The following ARHGEF26 variants were observed in gnomAD, a reference collection of about 807,000 sequenced individuals.
The protein encoded by ARHGEF26 is Rho guanine nucleotide exchange factor (GEF) 26.
In ARHGEF26, 59 loss-of-function variants were observed where a neutral mutation model predicts 89.4. The ratio of observed to expected loss-of-function variants is 0.66; its 90% CI spans 0.54 to 0.82. The LOEUF is 0.82. Ranked by LOEUF, ARHGEF26 falls within the 40% of genes least tolerant of loss-of-function variation. ARHGEF26 has a pLI of 0.00. For missense variants in ARHGEF26, 1,234 were observed against 1,085.6 expected (o/e 1.14, Z -1.92); for synonymous variants, 500 against 428.4 (o/e 1.17, Z -2.06).
At chr3:154,188,508 A>G (rs887729142) in intron 7 of ARHGEF26, among the ~76,000 whole-genome samples, 2 of 152,210 alleles carry the variant, frequency 1.3e-5, no homozygotes, top group Non-Finnish European at 2.9e-5. Flanking sequence ...AAGAGTCACC[A>G]ATTGTTCAGT....
At chr3:154,225,751 T>C in intron 10 of ARHGEF26, 105 bp from the exon 11 acceptor site, 1 of 1,235,814 alleles carries the variant, frequency 8.1e-7, no homozygotes, top group Non-Finnish European at 1.1e-6. Context: ...TGATGCATAC[T>C]ATGATAAGTA....
intron 10 of ARHGEF26, among the ~76,000 whole-genome samples, chr3:154,225,413 T>C (rs1716420788): frequency 6.6e-6 from 1 of 152,136 alleles, no homozygotes; most frequent in Admixed American, 6.5e-5. Context: ...ATGTAGACTT[T>C]TATATTTGTC....
chr3:154,218,214 T>C (rs2108247462), intron 10 of ARHGEF26, among the ~76,000 whole-genome samples: 1 of 152,082 alleles, frequency 6.6e-6, no homozygotes, highest in African/African-American at 2.4e-5. Flanking sequence ...CTTAGGGGAA[T>C]AAATAAAATA....
At position 154,122,805 on chromosome 3, in the gene ARHGEF26, C is replaced by T; in HGVS notation, c.813C>T (p.Pro271=). Residue 271 remains proline (P), a synonymous_variant, in exon 2 of 15, where the codon CCC becomes CCT. Coordinates refer to ENST00000465093, the MANE Select transcript of ARHGEF26 (RefSeq NM_015595.4). ...AATCCAACAATCAAAATGTGGAGCCCCACAAGAGACTCCTCAAGGTGCGCA... is the reference window on the plus strand; with the variant it reads ...AATCCAACAATCAAAATGTGGAGCCTCACAAGAGACTCCTCAAGGTGCGCA... ...ISKSNNQNVE[P]HKRLLKVRSM... The T allele has an allele frequency of 6.2e-7, 1 of 1,611,808 alleles. No homozygotes were observed. The highest frequency in any genetic ancestry group is 8.5e-7 in the Non-Finnish European group (1 of 1,178,944).
Position 154,255,396 on chromosome 3 carries a change from G to A in ARHGEF26, c.2539G>A (p.Glu847Lys), listed in dbSNP as rs762062887. 2 of 1,613,592 alleles carry A rather than the reference G, an allele frequency of 1.2e-6. No homozygotes were observed. The highest frequency in any genetic ancestry group is 1.7e-6 in the Non-Finnish European group (2 of 1,179,872). Residue 847 changes from glutamate (E) to lysine (K), a missense_variant, in exon 15 of 15, where the codon GAG becomes AAG. Coordinates refer to ENST00000465093, the MANE Select transcript of ARHGEF26 (RefSeq NM_015595.4). ...RGWFPMECAK[E>K]ITCQATIDKN... Reference sequence around the variant, plus strand: ...CTGGTTTCCTATGGAATGTGCCAAGGAGATAACATGTCAAGCTACAATTGA... The same window carrying A: ...CTGGTTTCCTATGGAATGTGCCAAGAAGATAACATGTCAAGCTACAATTGA...
In ARHGEF26 at chr3:154,123,042, CAAG is replaced by C. The variant is rs779359820; in HGVS notation, c.1051_1053del (p.Lys351del). ...CTGTTCTGAAAGTGGTGATGGAAGA[CAAG>C]GAGAAGTTTTCCAGTCTGGGAAGGA... On this transcript the variant is annotated inframe_deletion, in exon 2 of 15. Coordinates refer to ENST00000465093, the MANE Select transcript of ARHGEF26 (RefSeq NM_015595.4). 1.9e-6 allele frequency: 3 copies of C among 1,613,728 alleles called. No individual in the cohort carries two copies. Among genetic ancestry groups the C allele is most frequent in the African/African-American group, 1.3e-5 (1 of 74,884 alleles).
rs576107579 is a variant in ARHGEF26 at position 154,217,885 on chromosome 3, A to G, written c.1862A>G (p.Asn621Ser). ...KEVSKLVRLC[N>S]EGARKMERTE... is the part of the protein sequence containing the mutation. ...TGTTCCCAGTTGGTTCGACTATGCA[A>G]TGAGGGCGCCCGGAAGATGGAAAGG... Residue 621 changes from asparagine (N) to serine (S), a missense_variant, in exon 10 of 15, where the codon AAT becomes AGT. Coordinates refer to ENST00000465093, the MANE Select transcript of ARHGEF26 (RefSeq NM_015595.4). 4.2e-5 allele frequency: 68 copies of G among 1,600,644 alleles called. 1 individual carries two copies. In the South Asian group the frequency reaches 5.6e-4, roughly 13 times the overall value.
chr3:154,149,414 C>T lies in ARHGEF26; in HGVS notation c.1295C>T (p.Thr432Ile). The T allele has an allele frequency of 1.2e-6, 2 of 1,608,182 alleles. No individual in the cohort carries two copies. Among genetic ancestry groups the T allele is most frequent in the Non-Finnish European group, 1.7e-6 (2 of 1,177,022 alleles). Residue 432 changes from threonine (T) to isoleucine (I), a missense_variant, in exon 5 of 15, where the codon ACA (threonine) becomes ATA (isoleucine). Physicochemically the swap from Thr to Ile is moderately conservative, Grantham distance 89 (BLOSUM62 -1). Transcript: ENST00000465093. ...GTGAAAAGAAAGGGATTATCTCAGA[C>T]AGTAAGCCAGGAGGAAAGAAAGAGA... The part of the protein sequence containing the change: ...SAVKRKGLSQ[T>I]VSQEERKRQE...
Position 154,122,940 on chromosome 3 carries a change from T to G in ARHGEF26, c.948T>G (p.Ser316=). The change falls in exon 2 of 15, where the codon TCT becomes TCG. Residue 316 remains serine, a synonymous_variant. Coordinates refer to ENST00000465093, the MANE Select transcript of ARHGEF26 (RefSeq NM_015595.4). The part of the protein sequence containing the change: ...GSLRRGLRST[S]YRRAVVSGFD... ...TGCGGAGAGGCTTGCGGTCCACGTC[T>G]TATCGCAGGGCAGTGGTCAGTGGCT... is the stretch of plus-strand genomic sequence containing the variant. The G allele has an allele frequency of 6.2e-7, 1 of 1,613,594 alleles. No homozygotes were observed. The highest frequency in any genetic ancestry group is 8.5e-7 in the Non-Finnish European group (1 of 1,179,762).
chr3:154,175,915 T>G (rs532180251), intron 6 of ARHGEF26, among the ~76,000 whole-genome samples: 7 of 152,366 alleles, frequency 4.6e-5, no homozygotes, highest in African/African-American at 1.7e-4. Context: ...ATGCAAGGTA[T>G]AGTTTAGCTA....
rs186478072 is a variant in ARHGEF26 at position 154,130,437 on chromosome 3, A to G, written c.1269+718A>G. 8.5e-5 allele frequency among the ~76,000 whole-genome samples: 13 copies of G among 152,218 alleles called. No homozygotes were observed. The East Asian group carries it at 2.5e-3, about 29-fold the overall frequency. On this transcript the variant is annotated intron_variant, in intron 4 of 14. Coordinates refer to ENST00000465093, the MANE Select transcript of ARHGEF26 (RefSeq NM_015595.4). ...ATTACAGGCATGAGCCACCGCATCT[A>G]GCCCTTCCTTGGAAATTTAATTTGA...
At chr3:154,220,532 A>G (rs967054860) in intron 10 of ARHGEF26, among the ~76,000 whole-genome samples, 1 of 152,178 alleles carries the variant, frequency 6.6e-6, no homozygotes, top group Non-Finnish European at 1.5e-5. Flanking sequence ...ACAAATGCAC[A>G]GTTTCCACTC....
At chr3:154,141,834 A>G (rs576761724) in intron 4 of ARHGEF26, among the ~76,000 whole-genome samples, 49 of 152,320 alleles carry the variant, frequency 3.2e-4, no homozygotes, top group African/African-American at 1.1e-3. Context: ...GATAACGATC[A>G]CTTCATGATA....
chr3:154,139,269 T>A (rs907026498), intron 4 of ARHGEF26, among the ~76,000 whole-genome samples: 6 of 152,212 alleles, frequency 3.9e-5, no homozygotes, highest in Admixed American at 1.3e-4. Flanking sequence ...GGAGGGCCCC[T>A]GGGCTCATCC....
chr3:154,204,274 T>C (rs1714859141), intron 9 of ARHGEF26, among the ~76,000 whole-genome samples: 1 of 135,910 alleles, frequency 7.4e-6, no homozygotes, highest in African/African-American at 2.4e-5. Flanking sequence ...TTCTTTATTA[T>C]TTGTTTTCTA....
chr3:154,250,560 T>G (rs1173472534), intron 12 of ARHGEF26, among the ~76,000 whole-genome samples: 1 of 152,240 alleles, frequency 6.6e-6, no homozygotes, highest in Non-Finnish European at 1.5e-5. Flanking sequence ...TCTGGACTTC[T>G]GGAAACTGGC....
At chr3:154,124,066 G>A (rs1349637770) in intron 2 of ARHGEF26, among the ~76,000 whole-genome samples, 1 of 149,998 alleles carries the variant, frequency 6.7e-6, no homozygotes, top group Non-Finnish European at 1.5e-5. Flanking sequence ...AACATTTTAT[G>A]TGTTTTTTCC....
intron 3 of ARHGEF26, among the ~76,000 whole-genome samples, chr3:154,128,575 C>G (rs2108044874): frequency 6.6e-6 from 1 of 152,272 alleles, no homozygotes; most frequent in East Asian, 1.9e-4. Context: ...CCCCCCATTT[C>G]CTTGTACTCC....
At position 154,257,807 on chromosome 3, in the gene ARHGEF26, A is replaced by G. The variant is rs942291446; in HGVS notation, c.*2334A>G. On this transcript the variant is annotated 3_prime_UTR_variant, in exon 15 of 15. Transcript: ENST00000465093. ...CTTTCAGAAAAATATGTGAATTTATAAAGATTTTGTAGATACTTGTCCTTT... is the reference window on the plus strand; with the variant it reads ...CTTTCAGAAAAATATGTGAATTTATGAAGATTTTGTAGATACTTGTCCTTT... The G allele has an allele frequency of 6.6e-6, 1 of 152,222 alleles. No individual in the cohort carries two copies. The highest frequency in any genetic ancestry group is 6.5e-5 in the Admixed American group (1 of 15,282). The allele number at this position is 152,222 out of a possible 1,614,324, so 9.4% of individuals were successfully genotyped here.
Sources: allele counts gnomAD v4.1 joint callset (sites outside exome capture counted in the v4.1 genomes callset), GRCh38; gene constraint gnomAD v4.1.1; transcripts MANE v1.5; gene names NCBI Gene and HGNC (gene_info 2026-07-23, HGNC 2026-07-21).